Variants in BAIAP2L1 observed in about 807,000 individuals in gnomAD.
BAIAP2L1 encodes the protein BAR/IMD domain containing adaptor protein 2 like 1.
In BAIAP2L1, 35 loss-of-function variants were observed where a neutral mutation model predicts 66.3. That is an observed-to-expected ratio of 0.53 (90% CI 0.40 to 0.70). BAIAP2L1 has a LOEUF of 0.70. Ranked by LOEUF, BAIAP2L1 falls within the 30% of genes least tolerant of loss-of-function variation. The pLI is 0.00. For synonymous variants in BAIAP2L1, 269 were observed against 248.7 expected, an observed-to-expected ratio of 1.08 and a Z score of -0.77; for missense variants, 622 against 656.9, an observed-to-expected ratio of 0.95 and a Z score of 0.58.
At chr7:98,394,268 C>T (rs62478234) in intron 1 of BAIAP2L1, among the ~76,000 whole-genome samples, 1 of 75,204 alleles carries the variant, frequency 1.3e-5, no homozygotes, top group East Asian at 4.8e-4. Flanking sequence ...CAAAAAAACC[C>T]ACACATAAAA....
intron 7 of BAIAP2L1, among the ~76,000 whole-genome samples, chr7:98,313,494 A>G (rs985225241): frequency 1.3e-5 from 2 of 152,024 alleles, no homozygotes; most frequent in Admixed American, 1.3e-4. Context: ...CCCTGGTGCC[A>G]CAGGATGCCC....
intron 3 of BAIAP2L1, among the ~76,000 whole-genome samples, chr7:98,328,801 G>T (rs904868177): frequency 3.3e-5 from 5 of 151,784 alleles, no homozygotes; most frequent in African/African-American, 1.2e-4. Context: ...ACATGTGATT[G>T]TTCAGCCTGT....
At chr7:98,323,876 G>A (rs552671510) in intron 3 of BAIAP2L1, among the ~76,000 whole-genome samples, 7 of 152,232 alleles carry the variant, frequency 4.6e-5, no homozygotes, top group Non-Finnish European at 8.8e-5. Flanking sequence ...TGAAGCGGAA[G>A]ATGAAAACAC....
intron 5 of BAIAP2L1, among the ~76,000 whole-genome samples, chr7:98,319,602 A>G (rs547520520): frequency 6.4e-4 from 93 of 145,290 alleles, no homozygotes; most frequent in African/African-American, 2.3e-3. Context: ...GCTGGAGTGC[A>G]GTGGCGCAAT....
chr7:98,306,807 A>G, intron 10 of BAIAP2L1: 1 of 401,812 alleles, frequency 2.5e-6, no homozygotes, highest in East Asian at 5.4e-5. Flanking sequence ...TCATGGGCTC[A>G]AGCAATCCCC....
intron 3 of BAIAP2L1, among the ~76,000 whole-genome samples, chr7:98,323,781 C>T (rs926523839): frequency 4.6e-5 from 7 of 152,340 alleles, no homozygotes; most frequent in African/African-American, 1.7e-4. Flanking sequence ...GACCTCACAG[C>T]AGCTGGCCGC....
At chr7:98,307,938 A>G (rs1800722487) in intron 9 of BAIAP2L1, 42 bp from the exon 10 acceptor site, 1 of 1,580,554 alleles carries the variant, frequency 6.3e-7, no homozygotes. Flanking sequence ...TCAAAGCATG[A>G]GAATCAATAG....
intron 2 of BAIAP2L1, among the ~76,000 whole-genome samples, chr7:98,357,033 ATATATATATATATATATTTTTTTTTTTT>A (rs1802145365): frequency 6.2e-5 from 1 of 16,106 alleles, no homozygotes; most frequent in Non-Finnish European, 1.1e-4. Flanking sequence ...ATATATATAT[ATATATATATATATATATTTTTTTTTTTT>A]TTTTTTTAAG....
At chr7:98,357,950 A>C (rs1259986430) in intron 2 of BAIAP2L1, among the ~76,000 whole-genome samples, 1 of 152,190 alleles carries the variant, frequency 6.6e-6, no homozygotes, top group Admixed American at 6.6e-5. Context: ...TAGAACTAAG[A>C]AAGAAGTGAC....
chr7:98,355,819 TTC>T (rs1802107273), intron 2 of BAIAP2L1, among the ~76,000 whole-genome samples: 1 of 152,156 alleles, frequency 6.6e-6, no homozygotes. Context: ...GTCTGCAACA[TTC>T]TTAGTTAGGA....
chr7:98,356,741 C>T (rs1471030337), intron 2 of BAIAP2L1, among the ~76,000 whole-genome samples: 1 of 148,552 alleles, frequency 6.7e-6, no homozygotes, highest in African/African-American at 2.5e-5. Flanking sequence ...TTTTGCGAGG[C>T]TGAGGTAGGA....
chr7:98,305,820 A>G (rs1312726822), intron 11 of BAIAP2L1, among the ~76,000 whole-genome samples: 2 of 152,226 alleles, frequency 1.3e-5, no homozygotes, highest in Non-Finnish European at 2.9e-5. Context: ...GTCTCTAGGC[A>G]ATAACTACTG....
intron 1 of BAIAP2L1, among the ~76,000 whole-genome samples, chr7:98,394,544 C>G (rs571871877): frequency 2.0e-4 from 30 of 152,158 alleles, no homozygotes; most frequent in Non-Finnish European, 1.8e-4. Context: ...TTTGCACATA[C>G]CCACAGGAAT....
chr7:98,323,405 A>C (rs935453928), intron 3 of BAIAP2L1: 1 of 152,232 alleles, frequency 6.6e-6, no homozygotes, highest in East Asian at 1.9e-4. Flanking sequence ...CTTAAAATAC[A>C]TAAATAAATA....
intron 9 of BAIAP2L1, chr7:98,309,469 C>T (rs1261919605): frequency 1.3e-5 from 2 of 151,876 alleles, no homozygotes; most frequent in African/African-American, 4.8e-5. Flanking sequence ...CAGCAATTTT[C>T]ATTCTGCTTT....
intron 2 of BAIAP2L1, among the ~76,000 whole-genome samples, chr7:98,361,659 A>G (rs957108746): frequency 6.6e-6 from 1 of 152,186 alleles, no homozygotes; most frequent in Non-Finnish European, 1.5e-5. Context: ...TTTTAAATGA[A>G]GCATATATTT....
At position 98,292,385 on chromosome 7, in the gene BAIAP2L1, T is replaced by C; in HGVS notation, c.*1136A>G. On this transcript the variant is annotated 3_prime_UTR_variant, in exon 14 of 14. Transcript: ENST00000005260. ...CACCACACCTGTCTAATTTTTGTAT[T>C]TTTAGTAGAGACTCCTGACCTCAGG... 2.1e-6 allele frequency: 1 copy of C among 472,550 alleles called. No homozygotes were observed. The highest frequency in any genetic ancestry group is 3.8e-6 in the Non-Finnish European group (1 of 262,318). The allele number at this position is 472,550 out of a possible 1,614,324, so 29.3% of individuals were successfully genotyped here. A position where few individuals can be genotyped will look rare whatever the true frequency, so the allele number is the denominator to read the frequency against.
At chr7:98,351,666 C>T (rs1802004260) in intron 3 of BAIAP2L1, among the ~76,000 whole-genome samples, 1 of 152,136 alleles carries the variant, frequency 6.6e-6, no homozygotes, top group Non-Finnish European at 1.5e-5. Flanking sequence ...GAGAAGGAAC[C>T]TGGGTCCCTA....
Position 98,293,276 on chromosome 7 carries a change from CAG to C in BAIAP2L1, c.*243_*244del. 2.4e-6 allele frequency: 1 copy of C among 409,488 alleles called. No individual in the cohort carries two copies. The highest frequency in any genetic ancestry group is 4.4e-6 in the Non-Finnish European group (1 of 228,934). The allele number at this position is 409,488 out of a possible 1,614,324, so 25.4% of individuals were successfully genotyped here. On this transcript the variant is annotated 3_prime_UTR_variant, in exon 14 of 14. Transcript: ENST00000005260. ...GAAACCAAGTTTACTGTTTCTTGAACAGAATAGGAAGAAAATATTTTAAATGG... is the reference window on the plus strand; with the variant it reads ...GAAACCAAGTTTACTGTTTCTTGAACAATAGGAAGAAAATATTTTAAATGG...
Sources: gnomAD v4.1 joint callset for allele counts (sites outside exome capture counted in the v4.1 genomes callset) on GRCh38, gnomAD v4.1.1 for gene constraint, MANE v1.5 for transcripts, NCBI Gene and HGNC (gene_info 2026-07-23, HGNC 2026-07-21) for gene names.